RNF112: variants seen among roughly 807,000 people sequenced by gnomAD.
RNF112 encodes the protein ring finger protein 112, also known as brain finger protein.
Under a neutral mutation model 64.7 loss-of-function variants are expected in RNF112, and 34 were observed. The observed-to-expected ratio is 0.53, with a 90% CI of 0.40 to 0.70. RNF112 has a LOEUF of 0.70. Ranked by LOEUF, RNF112 falls within the 30% of genes least tolerant of loss-of-function variation. The probability of loss-of-function intolerance (pLI) is 0.00; values close to 1 mark genes in which losing one functional copy is unlikely to be tolerated. For synonymous variants in RNF112, 345 were observed against 344.5 expected (o/e 1.00, Z -0.02); for missense variants, 734 against 850.0 (o/e 0.86, Z 1.70).
At position 19,412,811 on chromosome 17, in the gene RNF112, A is replaced by G; in HGVS notation, c.381+28A>G. The G allele has an allele frequency of 6.3e-7, 1 of 1,597,932 alleles. No homozygotes were observed. The highest frequency in any genetic ancestry group is 8.5e-7 in the Non-Finnish European group (1 of 1,175,652). On this transcript the variant is annotated intron_variant, in intron 3 of 13. Transcript: ENST00000461366. This position sits in a 1 kb window ranked among gnomAD's most constrained non-coding sequence, Gnocchi z 5.1. ...CTGGGGACTGGGCCTAATCAGTCAG[A>G]CCCAAGAGGAGGGGGTGGCTTTGGC...
In RNF112 at chr17:19,411,362, G is replaced by C. The variant is rs758890427; in HGVS notation, c.-47G>C. ...ATCCTTACCTCTGGTTGAAGGTCTC[G>C]GGGCCTCCCCCTCTGCATCCGGACC... is the stretch of plus-strand genomic sequence containing the variant. On this transcript the variant is annotated 5_prime_UTR_variant, in exon 1 of 14. Transcript: ENST00000461366. 1 of 1,587,632 alleles carries C rather than the reference G, an allele frequency of 6.3e-7. No individual in the cohort carries two copies. Among genetic ancestry groups the C allele is most frequent in the Admixed American group, 1.7e-5 (1 of 58,930 alleles).
rs950541098 is a variant in RNF112 at position 19,416,122 on chromosome 17, G to C, written c.1843G>C (p.Glu615Gln). 1.9e-6 allele frequency: 3 copies of C among 1,580,996 alleles called. No individual in the cohort carries two copies. In the African/African-American group the frequency reaches 4.0e-5, roughly 21 times the overall value. The stretch of plus-strand genomic sequence containing the variant: ...CACAGTGGGCTGCATGGAGAAGGAG[G>C]AGGATGAGAGGCTTCTGGAAGGGGA... ...AATVGCMEKE[E>Q]DERLLEGDRE... The change falls in exon 14 of 14, where the codon GAG becomes CAG. Residue 615 changes from glutamate to glutamine, a missense_variant. Transcript: ENST00000461366.
chr17:19,414,999 A>G, intron 10 of RNF112, 39 bp from the exon 11 acceptor site: 2 of 1,581,180 alleles, frequency 1.3e-6, no homozygotes, highest in Non-Finnish European at 8.6e-7. Flanking sequence ...TTCTCCTCCC[A>G]AAGCCCGCAG....
chr17:19,415,128 G>C lies in RNF112; in HGVS notation c.1217G>C (p.Gly406Ala), dbSNP rs772278215. The change falls in exon 11 of 14, where the codon GGG becomes GCG. Residue 406 changes from glycine to alanine, a missense_variant. Gly to Ala is a moderately conservative substitution (Grantham distance 60, BLOSUM62 0). Transcript: ENST00000461366. The surrounding 1 kb of genome is among the most constrained non-coding windows in gnomAD (Gnocchi z 7.8). ...APQHAKSRCQ[G>A]YWNEGRAVAR... ...CAGCACGCTAAGAGCCGCTGCCAGG[G>C]GTACTGGAACGAGGGGCGCGCCGTG... 31 of 1,608,876 alleles carry C rather than the reference G, an allele frequency of 1.9e-5. No homozygotes were observed. Among genetic ancestry groups the C allele is most frequent in the Non-Finnish European group, 1.9e-5 (22 of 1,178,808 alleles).
At position 19,415,571 on chromosome 17, in the gene RNF112, C is replaced by T. The variant is rs116047884; in HGVS notation, c.1404C>T (p.Phe468=). 1,808 of 1,612,608 alleles carry T rather than the reference C, an allele frequency of 1.1e-3. 13 individuals carry two copies. In the African/African-American group the frequency reaches 0.015, roughly 14 times the overall value. The part of the protein sequence containing the change: ...LRKVEAAKRE[F]EEYVRQQDVA... ...AGGTGGAAGCTGCCAAGAGGGAGTT[C>T]GAGGAGTATGTGAGGCAGCAGGTGA... The change falls in exon 13 of 14, where the codon TTC becomes TTT. Residue 468 remains phenylalanine (F), a synonymous_variant. Coordinates refer to ENST00000461366, the MANE Select transcript of RNF112 (RefSeq NM_007148.5). The surrounding 1 kb of genome is among the most constrained non-coding windows in gnomAD (Gnocchi z 7.8).
Position 19,413,503 on chromosome 17 carries a change from G to A in RNF112, c.721-74G>A, listed in dbSNP as rs780749751. 9.5e-6 allele frequency: 15 copies of A among 1,570,710 alleles called. No homozygotes were observed. In the African/African-American group the frequency reaches 1.2e-4, roughly 13 times the overall value. On this transcript the variant is annotated intron_variant, in intron 5 of 13. Transcript: ENST00000461366. The surrounding 1 kb of genome is among the most constrained non-coding windows in gnomAD (Gnocchi z 5.9). ...TGAGGATAGAAGATGGGGATGGGAC[G>A]GGGCAGGGTTGGGAAGAATGTGGGA...
chr17:19,413,111 C>A lies in RNF112; in HGVS notation c.555C>A (p.Leu185=). The stretch of plus-strand genomic sequence containing the variant: ...AGCAGCACTCAGGGAAGTCCTTCCT[C>A]CTCAACCATTTGCTTCAGGGCTTGC... ...LGEQHSGKSF[L]LNHLLQGLPG... The change falls in exon 4 of 14, where the codon CTC becomes CTA. Residue 185 remains leucine, a synonymous_variant. Coordinates refer to ENST00000461366, the MANE Select transcript of RNF112 (RefSeq NM_007148.5). The surrounding 1 kb of genome is among the most constrained non-coding windows in gnomAD (Gnocchi z 5.9). 5 of 1,613,330 alleles carry A rather than the reference C, an allele frequency of 3.1e-6. No homozygotes were observed. In the South Asian group the frequency reaches 4.4e-5, roughly 14 times the overall value.
At chr17:19,411,554 G>A (rs1281297888) in intron 1 of RNF112, 76 bp from the exon 2 acceptor site, 3 of 1,537,226 alleles carry the variant, frequency 2.0e-6, no homozygotes, top group Non-Finnish European at 2.6e-6. Context: ...GAGGATGAGG[G>A]GTCCCTGGAA....
rs1047383911 is a variant in RNF112, at chr17:19,415,162, G to A, written c.1251G>A (p.Gly417=). The A allele has an allele frequency of 2.5e-6, 4 of 1,608,808 alleles. No individual in the cohort carries two copies. The African/African-American group carries it at 4.0e-5, about 16-fold the overall frequency. ...YWNEGRAVAR[G]DRRLLTGQQL... ...ACGAGGGGCGCGCCGTGGCCAGGGG[G>A]GACAGACGCCTACTCACGGGGCAGC... Residue 417 remains glycine (G), a synonymous_variant, in exon 11 of 14, where the codon GGG becomes GGA. Coordinates refer to ENST00000461366, the MANE Select transcript of RNF112 (RefSeq NM_007148.5). This position sits in a 1 kb window ranked among gnomAD's most constrained non-coding sequence, Gnocchi z 7.8.
At chr17:19,414,368 G>T (rs1022941867) in intron 7 of RNF112, 81 bp from the exon 8 acceptor site, 12 of 1,539,250 alleles carry the variant, frequency 7.8e-6, no homozygotes, top group Non-Finnish European at 1.1e-5. Context: ...AGCAGGCGTA[G>T]GGAGGTGGGG....
chr17:19,414,244 T>C lies in RNF112; in HGVS notation c.876+99T>C, dbSNP rs545888605. On this transcript the variant is annotated intron_variant, in intron 7 of 13. Transcript: ENST00000461366. ...GTGCCCTCCTGGTCTGGCCTAGGGT[T>C]TTATGACACTTGAACAGGGTTGAAG... The C allele has an allele frequency of 2.3e-5, 28 of 1,214,194 alleles. No homozygotes were observed. The South Asian group carries it at 3.3e-4, about 15-fold the overall frequency. The allele number at this position is 1,214,194 out of a possible 1,614,324, so 75.2% of individuals were successfully genotyped here.
Position 19,413,619 on chromosome 17 carries a change from G to A in RNF112, c.763G>A (p.Glu255Lys). 1.2e-6 allele frequency: 2 copies of A among 1,613,410 alleles called. No individual in the cohort carries two copies. The highest frequency in any genetic ancestry group is 8.5e-7 in the Non-Finnish European group (1 of 1,179,694). Reference protein sequence around the residue: ...LVDTGDAMSPELSRETRIKLC... With the variant: ...LVDTGDAMSPKLSRETRIKLC... The stretch of plus-strand genomic sequence containing the variant: ...GGACACAGGGGATGCCATGAGCCCT[G>A]AGCTGAGCAGGGAAACAAGGATCAA... The change falls in exon 6 of 14, where the codon GAG (glutamate) becomes AAG (lysine). Residue 255 changes from glutamate to lysine, a missense_variant. By Grantham distance (56) the Glu-to-Lys change is moderately conservative. Coordinates refer to ENST00000461366, the MANE Select transcript of RNF112 (RefSeq NM_007148.5). This position sits in a 1 kb window ranked among gnomAD's most constrained non-coding sequence, Gnocchi z 5.9.
chr17:19,415,892 C>G lies in RNF112; in HGVS notation c.1613C>G (p.Ser538Cys). The change falls in exon 14 of 14, where the codon TCC (serine) becomes TGC (cysteine). Residue 538 changes from serine to cysteine, a missense_variant. Ser to Cys is a moderately radical substitution (Grantham distance 112). Coordinates refer to ENST00000461366, the MANE Select transcript of RNF112 (RefSeq NM_007148.5). This position sits in a 1 kb window ranked among gnomAD's most constrained non-coding sequence, Gnocchi z 7.8. ...GCCACGGCCAAGGCCTTCATGGACT[C>G]CTACACGATGCGCTTCTGTGGCCAC... ...LQATAKAFMD[S>C]YTMRFCGHLA... The G allele has an allele frequency of 6.2e-7, 1 of 1,613,418 alleles. No homozygotes were observed. The highest frequency in any genetic ancestry group is 8.5e-7 in the Non-Finnish European group (1 of 1,179,750).
In RNF112 at chr17:19,412,561, G is replaced by A. The variant is rs749406815; in HGVS notation, c.159G>A (p.Glu53=). Residue 53 remains glutamate (E), a synonymous_variant, in exon 3 of 14, where the codon GAG becomes GAA. Transcript: ENST00000461366. The surrounding 1 kb of genome is among the most constrained non-coding windows in gnomAD (Gnocchi z 5.1). ...GLGPQPMAPR[E]LPTCSICLER... The stretch of plus-strand genomic sequence containing the variant: ...GGCCCCAGCCCATGGCGCCCCGGGA[G>A]CTCCCTACCTGCTCCATCTGCCTGG... 1.2e-6 allele frequency: 2 copies of A among 1,613,354 alleles called. No homozygotes were observed. Among genetic ancestry groups the A allele is most frequent in the Non-Finnish European group, 1.7e-6 (2 of 1,179,778 alleles).
At position 19,412,184 on chromosome 17, in the gene RNF112, ACTTG is replaced by A. The variant is rs897857331; in HGVS notation, c.96-308_96-305del. ...AATTGAGGCCCAGAGAGGGGAAGGAACTTGCTTGCATTTGCATGGCTGGGATGTG... is the reference window on the plus strand; with the variant it reads ...AATTGAGGCCCAGAGAGGGGAAGGAACTTGCATTTGCATGGCTGGGATGTG... On this transcript the variant is annotated intron_variant, in intron 2 of 13. Coordinates refer to ENST00000461366, the MANE Select transcript of RNF112 (RefSeq NM_007148.5). This position sits in a 1 kb window ranked among gnomAD's most constrained non-coding sequence, Gnocchi z 5.1. Among the ~76,000 whole-genome samples the A allele has an allele frequency of 6.6e-6, 1 of 152,174 alleles. No homozygotes were observed. The highest frequency in any genetic ancestry group is 1.5e-5 in the Non-Finnish European group (1 of 68,026).
Position 19,415,391 on chromosome 17 carries a change from G to C in RNF112, c.1350+52G>C. On this transcript the variant is annotated intron_variant, in intron 12 of 13. Coordinates refer to ENST00000461366, the MANE Select transcript of RNF112 (RefSeq NM_007148.5). This position sits in a 1 kb window ranked among gnomAD's most constrained non-coding sequence, Gnocchi z 7.8. Reference sequence around the variant, plus strand: ...CTGGCAGGGAGACAGGGGAGGCAGGGAGGTGGGGGCTGTGCCGAGGCCTCC... The same window carrying C: ...CTGGCAGGGAGACAGGGGAGGCAGGCAGGTGGGGGCTGTGCCGAGGCCTCC... 1 of 1,556,784 alleles carries C rather than the reference G, an allele frequency of 6.4e-7. No homozygotes were observed. Among genetic ancestry groups the C allele is most frequent in the Admixed American group, 1.9e-5 (1 of 51,436 alleles).
intron 2 of RNF112, 197 bp downstream of exon 2, chr17:19,411,867 C>A (rs1913672252): frequency 4.7e-6 from 3 of 636,890 alleles, no homozygotes; most frequent in African/African-American, 3.7e-5. Flanking sequence ...CAGCTCAGAG[C>A]AGAGAGCGGA....
rs763859718 is a variant in RNF112 at position 19,414,400 on chromosome 17, T to C, written c.877-49T>C. The C allele has an allele frequency of 4.4e-6, 7 of 1,608,310 alleles. No homozygotes were observed. The African/African-American group carries it at 9.4e-5, about 22-fold the overall frequency. On this transcript the variant is annotated intron_variant, in intron 7 of 13. Coordinates refer to ENST00000461366, the MANE Select transcript of RNF112 (RefSeq NM_007148.5). ...GGGGAGACAGGCTTGGGGTGCACCATAGTCCTCAAAGTGGCCCAGCCCTGA... is the reference window on the plus strand; with the variant it reads ...GGGGAGACAGGCTTGGGGTGCACCACAGTCCTCAAAGTGGCCCAGCCCTGA...
rs773295335 is a variant in RNF112 at position 19,411,413 on chromosome 17, C to G, written c.5C>G (p.Pro2Arg). M[P>R]RPALSVTSFC... Reference sequence around the variant, plus strand: ...CTCTCCCCATCCCAGCCTCCCATGCCAAGGCCCGCCTTGTCAGTCACTTCC... The same window carrying G: ...CTCTCCCCATCCCAGCCTCCCATGCGAAGGCCCGCCTTGTCAGTCACTTCC... Residue 2 changes from proline to arginine, a missense_variant, in exon 1 of 14, where the codon CCA becomes CGA. Physicochemically the swap from Pro to Arg is moderately radical, Grantham distance 103. Transcript: ENST00000461366. The G allele has an allele frequency of 1.2e-5, 19 of 1,611,972 alleles. No individual in the cohort carries two copies. The highest frequency in any genetic ancestry group is 1.5e-5 in the Non-Finnish European group (18 of 1,179,628).
Sources: allele counts gnomAD v4.1 joint callset (sites outside exome capture counted in the v4.1 genomes callset), GRCh38; gene constraint gnomAD v4.1.1; non-coding constraint Gnocchi (gnomAD v3.1); transcripts MANE v1.5; gene names NCBI Gene and HGNC (gene_info 2026-07-23, HGNC 2026-07-21).